PLD5: variants seen among roughly 807,000 people sequenced by gnomAD.
The protein encoded by PLD5 is inactive phospholipase D5.
Under a neutral mutation model 61.1 loss-of-function variants are expected in PLD5, and 36 were observed. That is an observed-to-expected ratio of 0.59 (90% CI 0.45 to 0.78). The LOEUF is 0.78. PLD5 is among the 30% of genes least tolerant of loss of function. The probability of loss-of-function intolerance (pLI) is 0.00; values close to 1 mark genes in which losing one functional copy is unlikely to be tolerated. For synonymous variants in PLD5, 243 were observed against 242.8 expected (o/e 1.00, Z -0.01); for missense variants, 515 against 644.4 (o/e 0.80, Z 2.17).
At chr1:242,287,641 T>C (rs931618186) in intron 3 of PLD5, among the ~76,000 whole-genome samples, 1 of 152,200 alleles carries the variant, frequency 6.6e-6, no homozygotes, top group Non-Finnish European at 1.5e-5. Flanking sequence ...TTACATATGA[T>C]ATTTAAGTGT....
chr1:242,414,083 G>A (rs1396888177), intron 1 of PLD5, among the ~76,000 whole-genome samples: 2 of 152,176 alleles, frequency 1.3e-5, no homozygotes, highest in African/African-American at 4.8e-5. Context: ...TGGTCTAGCT[G>A]AGATGTGCTT....
chr1:242,185,434 C>G, intron 5 of PLD5, among the ~76,000 whole-genome samples: 1 of 150,036 alleles, frequency 6.7e-6, no homozygotes, highest in South Asian at 2.2e-4. Context: ...ATTAATAAAA[C>G]TGTGAATAGT....
At chr1:242,242,006 T>G (rs374033508) in intron 4 of PLD5, among the ~76,000 whole-genome samples, 4,665 of 124,950 alleles carry the variant, frequency 0.037, 285 homozygotes, top group African/African-American at 0.13. Flanking sequence ...TATATATATA[T>G]ATATAGACAC....
At chr1:242,324,355 AT>A (rs2149192013) in intron 2 of PLD5, among the ~76,000 whole-genome samples, 1 of 152,354 alleles carries the variant, frequency 6.6e-6, no homozygotes, top group Non-Finnish European at 1.5e-5. Context: ...AGCAAAAGTG[AT>A]TTCAATTACT....
intron 1 of PLD5, among the ~76,000 whole-genome samples, chr1:242,433,834 G>A (rs143201634): frequency 6.6e-6 from 1 of 152,294 alleles, no homozygotes; most frequent in African/African-American, 2.4e-5. Context: ...CCAGACAGAA[G>A]GAAGAGCACA....
At chr1:242,222,215 ACAT>A (rs59666356) in intron 4 of PLD5, among the ~76,000 whole-genome samples, 45,964 of 151,850 alleles carry the variant, frequency 0.3, 7,222 homozygotes, top group East Asian at 0.53. Flanking sequence ...TTAACTAATT[ACAT>A]CTGTAAAATC....
At chr1:242,131,877 C>T (rs1663286001) in intron 5 of PLD5, among the ~76,000 whole-genome samples, 3 of 149,142 alleles carry the variant, frequency 2.0e-5, no homozygotes, top group South Asian at 2.2e-4. Flanking sequence ...TTCTGTCACC[C>T]AGGCTGGAGT....
intron 3 of PLD5, among the ~76,000 whole-genome samples, chr1:242,269,095 G>A (rs1474411970): frequency 3.9e-5 from 6 of 151,998 alleles, no homozygotes; most frequent in African/African-American, 1.5e-4. Flanking sequence ...CACCTCCCTC[G>A]GCCTCCCAAA....
chr1:242,167,093 A>T (rs1052747979), intron 5 of PLD5, among the ~76,000 whole-genome samples: 1 of 145,190 alleles, frequency 6.9e-6, no homozygotes, highest in Non-Finnish European at 1.5e-5. Flanking sequence ...AATAATAATA[A>T]TAATAATAAT....
chr1:242,324,430 T>C (rs79539693), intron 2 of PLD5, among the ~76,000 whole-genome samples: 1 of 152,204 alleles, frequency 6.6e-6, no homozygotes, highest in Non-Finnish European at 1.5e-5. Flanking sequence ...TTTGCAAAAA[T>C]TGTGACAGCG....
At chr1:242,301,177 C>T (rs1676014826) in intron 2 of PLD5, among the ~76,000 whole-genome samples, 1 of 152,046 alleles carries the variant, frequency 6.6e-6, no homozygotes, top group Non-Finnish European at 1.5e-5. Context: ...CCAGATGTGC[C>T]CTAGTCTAGC....
intron 5 of PLD5, among the ~76,000 whole-genome samples, chr1:242,182,127 T>A (rs903083860): frequency 1.3e-5 from 2 of 152,184 alleles, no homozygotes; most frequent in African/African-American, 4.8e-5. Flanking sequence ...GAGAACTCAG[T>A]TGGCCTTGCC....
At position 242,483,651 on chromosome 1, in the gene PLD5, G is replaced by A. The variant is rs183531771; in HGVS notation, c.189+40437C>T. 2.7e-4 allele frequency among the ~76,000 whole-genome samples: 41 copies of A among 152,178 alleles called. No individual in the cohort carries two copies. In the East Asian group the frequency reaches 3.3e-3, roughly 12 times the overall value. ...CACTGTCAACATTAGACAGATCAAC[G>A]AGACTGAAAGTTAACAAGAATATCC... is the stretch of plus-strand genomic sequence containing the variant. On this transcript the variant is annotated intron_variant, in intron 1 of 9. Transcript: ENST00000536534.
chr1:242,149,664 T>TACACACACACACACAC (rs201893348), intron 5 of PLD5, among the ~76,000 whole-genome samples: 1 of 137,882 alleles, frequency 7.3e-6, no homozygotes. Flanking sequence ...TTAAGTTTTA[T>TACACACACACACACAC]ACACATACAC....
chr1:242,425,017 A>G (rs1665341231), intron 1 of PLD5, among the ~76,000 whole-genome samples: 1 of 152,156 alleles, frequency 6.6e-6, no homozygotes, highest in Non-Finnish European at 1.5e-5. Flanking sequence ...CTGCAATCCT[A>G]GCTACTAGGG....
chr1:242,257,520 G>A (rs1218987120), intron 4 of PLD5, among the ~76,000 whole-genome samples: 5 of 152,292 alleles, frequency 3.3e-5, no homozygotes, highest in Non-Finnish European at 4.4e-5. Context: ...GTGTAATTGG[G>A]CTGATCACTG....
intron 5 of PLD5, among the ~76,000 whole-genome samples, chr1:242,172,283 T>C (rs542882401): frequency 6.6e-6 from 1 of 152,206 alleles, no homozygotes; most frequent in East Asian, 1.9e-4. Context: ...GACTACTGGG[T>C]AAATAACGAA....
intron 5 of PLD5, among the ~76,000 whole-genome samples, chr1:242,163,209 T>C (rs1666003431): frequency 6.7e-6 from 1 of 149,924 alleles, no homozygotes; most frequent in South Asian, 2.1e-4. Flanking sequence ...AGTGGCGCGA[T>C]CTCGGCTCAC....
chr1:242,169,650 C>T (rs1666595214), intron 5 of PLD5, among the ~76,000 whole-genome samples: 1 of 152,166 alleles, frequency 6.6e-6, no homozygotes, highest in Non-Finnish European at 1.5e-5. Context: ...GTCCTAACCC[C>T]ATGGAGCCCA....
Sources: allele counts gnomAD v4.1 joint callset (sites outside exome capture counted in the v4.1 genomes callset), GRCh38; gene constraint gnomAD v4.1.1; transcripts MANE v1.5; gene names NCBI Gene and HGNC (gene_info 2026-07-23, HGNC 2026-07-21).